The following GALNTL6 variants were observed in gnomAD, a reference collection of about 807,000 sequenced individuals.
GALNTL6 encodes the protein polypeptide N-acetylgalactosaminyltransferase-like 6.
In GALNTL6, 46 loss-of-function variants were observed where a neutral mutation model predicts 73.7. That is an observed-to-expected ratio of 0.62 (90% CI 0.49 to 0.80). The LOEUF (loss-of-function observed/expected upper bound fraction) is 0.80. GALNTL6 is among the 30% of genes least tolerant of loss of function. The pLI, the probability that GALNTL6 is intolerant of heterozygous loss-of-function variation, is 0.00. For synonymous variants in GALNTL6, 259 were observed against 263.7 expected (o/e 0.98, Z 0.17); for missense variants, 604 against 755.0 (o/e 0.80, Z 2.34).
chr4:171,980,888 A>G (rs922795552), intron 2 of GALNTL6, among the ~76,000 whole-genome samples: 4 of 152,228 alleles, frequency 2.6e-5, no homozygotes, highest in African/African-American at 9.6e-5. Flanking sequence ...TGAATAAACA[A>G]GTGGTATATT....
At chr4:172,587,514 A>C (rs2110989533) in intron 5 of GALNTL6, among the ~76,000 whole-genome samples, 1 of 152,262 alleles carries the variant, frequency 6.6e-6, no homozygotes, top group Admixed American at 6.5e-5. Context: ...TTGGATTTGT[A>C]AGCAGGGCTT....
chr4:172,090,111 T>C (rs1392895964), intron 2 of GALNTL6, among the ~76,000 whole-genome samples: 1 of 152,176 alleles, frequency 6.6e-6, no homozygotes, highest in Non-Finnish European at 1.5e-5. Context: ...TGATGGGCAT[T>C]TGGGTTGGTT....
At chr4:172,039,707 C>A (rs1304021077) in intron 2 of GALNTL6, among the ~76,000 whole-genome samples, 1 of 152,078 alleles carries the variant, frequency 6.6e-6, no homozygotes, top group Non-Finnish European at 1.5e-5. Flanking sequence ...GGGGAATCTG[C>A]CTGAGCAGAT....
intron 5 of GALNTL6, among the ~76,000 whole-genome samples, chr4:172,356,009 G>A (rs945360971): frequency 3.9e-5 from 6 of 152,128 alleles, no homozygotes; most frequent in Non-Finnish European, 7.4e-5. Context: ...ATCAGGTGTT[G>A]GATAAGCTGC....
chr4:172,917,278 C>T (rs1747572634), intron 8 of GALNTL6, among the ~76,000 whole-genome samples: 1 of 121,936 alleles, frequency 8.2e-6, no homozygotes, highest in African/African-American at 2.6e-5. Context: ...AATGTTAGAC[C>T]TAAAACCATA....
intron 5 of GALNTL6, among the ~76,000 whole-genome samples, chr4:172,462,731 ATG>A (rs1732662607): frequency 6.6e-6 from 1 of 152,224 alleles, no homozygotes. Flanking sequence ...TGGAAAACAG[ATG>A]TGTCAAGAAA....
chr4:172,152,069 C>T (rs535280688), intron 2 of GALNTL6, among the ~76,000 whole-genome samples: 13 of 152,036 alleles, frequency 8.6e-5, no homozygotes, highest in South Asian at 2.1e-4. Flanking sequence ...CCCCACCTCC[C>T]GGGTTCAAGC....
chr4:172,161,311 A>G (rs1479981057), intron 2 of GALNTL6, among the ~76,000 whole-genome samples: 3 of 151,930 alleles, frequency 2.0e-5, no homozygotes, highest in Non-Finnish European at 2.9e-5. Context: ...ATTTTTTCTT[A>G]ATCCACTTGG....
intron 2 of GALNTL6, among the ~76,000 whole-genome samples, chr4:172,035,996 T>C (rs765422171): frequency 3.9e-5 from 6 of 152,156 alleles, no homozygotes; most frequent in Non-Finnish European, 7.4e-5. Context: ...TTGTAAATCT[T>C]ATTTGGATAT....
At chr4:172,761,613 T>G (rs1373191809) in intron 5 of GALNTL6, among the ~76,000 whole-genome samples, 1 of 152,058 alleles carries the variant, frequency 6.6e-6, no homozygotes, top group Non-Finnish European at 1.5e-5. Flanking sequence ...TGATAGTGAA[T>G]GAGTTCTCAT....
intron 3 of GALNTL6, among the ~76,000 whole-genome samples, chr4:172,247,565 A>G (rs1737704919): frequency 6.6e-6 from 1 of 152,172 alleles, no homozygotes; most frequent in African/African-American, 2.4e-5. Flanking sequence ...ATAGACACAA[A>G]TGGGCTTCTA....
At chr4:172,602,821 A>G (rs1214768044) in intron 5 of GALNTL6, among the ~76,000 whole-genome samples, 4 of 152,200 alleles carry the variant, frequency 2.6e-5, no homozygotes, top group African/African-American at 9.7e-5. Flanking sequence ...CTCAAACTGG[A>G]GACAATCCAA....
chr4:172,905,728 A>G (rs1746848602), intron 8 of GALNTL6, among the ~76,000 whole-genome samples: 1 of 147,570 alleles, frequency 6.8e-6, no homozygotes, highest in Non-Finnish European at 1.5e-5. Flanking sequence ...AAGTCTAGGT[A>G]TACTTTATTA....
At chr4:172,491,083 C>A (rs183879109) in intron 5 of GALNTL6, among the ~76,000 whole-genome samples, 1 of 152,134 alleles carries the variant, frequency 6.6e-6, no homozygotes, top group Non-Finnish European at 1.5e-5. Flanking sequence ...GCTGTTATGG[C>A]ATTTTACATG....
Position 172,809,482 on chromosome 4 carries a change from A to G in GALNTL6, c.675A>G (p.Gly225=). ...TCCTGGGGGCATCTATGGCCAGAGG[A>G]GAAGTCCTGACATTCCTGGACTCCC... ...TRLLGASMAR[G]EVLTFLDSHC... is the part of the protein sequence containing the mutation. Residue 225 remains glycine, a synonymous_variant, in exon 6 of 13, where the codon GGA becomes GGG. Coordinates refer to ENST00000506823, the MANE Select transcript of GALNTL6 (RefSeq NM_001034845.3). This position sits in a 1 kb window ranked among gnomAD's most constrained non-coding sequence, Gnocchi z 4.4. The G allele has an allele frequency of 2.5e-6, 4 of 1,613,788 alleles. No homozygotes were observed. Among genetic ancestry groups the G allele is most frequent in the Non-Finnish European group, 3.4e-6 (4 of 1,179,838 alleles).
chr4:172,458,197 A>C (rs1405424386), intron 5 of GALNTL6, among the ~76,000 whole-genome samples: 1 of 152,020 alleles, frequency 6.6e-6, no homozygotes, highest in African/African-American at 2.4e-5. Context: ...AACGTACCAG[A>C]ATCTCTGGGA....
At position 172,068,428 on chromosome 4, in the gene GALNTL6, T is replaced by A. The variant is rs1303304198; in HGVS notation, c.139-161228T>A. On this transcript the variant is annotated intron_variant, in intron 2 of 12. Coordinates refer to ENST00000506823, the MANE Select transcript of GALNTL6 (RefSeq NM_001034845.3). ...GTTATCGCATGTTCTCTTTCTTAAG[T>A]TCTATGTTCTAATCTCCAATTTATA... Among the ~76,000 whole-genome samples, 6 of 110,308 alleles carry A rather than the reference T, an allele frequency of 5.4e-5. 2 individuals carry two copies. The highest frequency in any genetic ancestry group is 4.7e-4 in the Admixed American group (5 of 10,662). 72.4% of individuals were successfully genotyped at this position (110,308 alleles called of 152,430 possible). A position where few individuals can be genotyped will look rare whatever the true frequency, so the allele number is the denominator to read the frequency against.
intron 5 of GALNTL6, among the ~76,000 whole-genome samples, chr4:172,474,007 A>G (rs1733143223): frequency 6.6e-6 from 1 of 152,032 alleles, no homozygotes; most frequent in Non-Finnish European, 1.5e-5. Flanking sequence ...GAAATGGCCT[A>G]CACATCCCTC....
chr4:172,210,076 T>C (rs912841262), intron 2 of GALNTL6, among the ~76,000 whole-genome samples: 10 of 152,180 alleles, frequency 6.6e-5, no homozygotes, highest in African/African-American at 1.9e-4. Context: ...AAGTATACAC[T>C]TCAGCTTATG....
Sources: allele counts gnomAD v4.1 joint callset (sites outside exome capture counted in the v4.1 genomes callset), GRCh38; gene constraint gnomAD v4.1.1; non-coding constraint Gnocchi (gnomAD v3.1); transcripts MANE v1.5; gene names NCBI Gene and HGNC (gene_info 2026-07-23, HGNC 2026-07-21).